The following NF2 variants were observed in gnomAD, a reference collection of about 807,000 sequenced individuals.
NF2 encodes the protein NF2, moesin-ezrin-radixin like (MERLIN) tumor suppressor.
Under a neutral mutation model 83.7 loss-of-function variants are expected in NF2, and 8 were observed. That is an observed-to-expected ratio of 0.10 (90% CI 0.06 to 0.17). The LOEUF is 0.17. NF2 is among the 10% of genes least tolerant of loss of function. The pLI is 1.00. For missense variants in NF2, 533 were observed against 744.4 expected (o/e 0.72, Z 3.31); for synonymous variants, 266 against 269.6 (o/e 0.99, Z 0.13).
intron 13 of NF2, among the ~76,000 whole-genome samples, chr22:29,675,300 T>C (rs1257369619): frequency 2.0e-5 from 3 of 152,178 alleles, no homozygotes; most frequent in Non-Finnish European, 2.9e-5. Flanking sequence ...GTATATACCA[T>C]ATATCATAAT....
intron 6 of NF2, 126 bp downstream of exon 6, chr22:29,655,802 A>C (rs986201972): frequency 3.2e-5 from 25 of 780,270 alleles, no homozygotes; most frequent in Non-Finnish European, 4.7e-5. Context: ...ATAAAAGAAA[A>C]GGGGAGAGCT....
At chr22:29,628,787 C>G (rs550744550) in intron 1 of NF2, among the ~76,000 whole-genome samples, 2 of 151,970 alleles carry the variant, frequency 1.3e-5, no homozygotes, top group African/African-American at 2.4e-5. Flanking sequence ...TGCGCCACCA[C>G]GCCCAACTAG....
In NF2 at chr22:29,669,820, A is replaced by G. The variant is rs892736613; in HGVS notation, c.999+1374A>G. ...AGTAAGTCAATGACTTACCTTCCAG[A>G]CCTTAGTTTTCTCATCCATCAGGTG... On this transcript the variant is annotated intron_variant, in intron 10 of 15. Transcript: ENST00000338641. 2.6e-5 allele frequency among the ~76,000 whole-genome samples: 4 copies of G among 152,292 alleles called. No homozygotes were observed. The East Asian group carries it at 5.8e-4, about 22-fold the overall frequency.
chr22:29,635,911 A>G (rs1208793798), intron 1 of NF2, among the ~76,000 whole-genome samples: 3 of 152,192 alleles, frequency 2.0e-5, no homozygotes, highest in African/African-American at 7.2e-5. Flanking sequence ...GTATGGGAAC[A>G]TCCTGGTGGT....
intron 2 of NF2, among the ~76,000 whole-genome samples, chr22:29,638,792 T>C (rs1006178248): frequency 2.0e-5 from 3 of 152,256 alleles, no homozygotes; most frequent in Non-Finnish European, 4.4e-5. Flanking sequence ...TGCTGAGTGA[T>C]ACATTTCTAG....
At chr22:29,672,361 G>T (rs1267248391) in intron 11 of NF2, among the ~76,000 whole-genome samples, 1 of 150,126 alleles carries the variant, frequency 6.7e-6, no homozygotes, top group East Asian at 1.9e-4. Context: ...GCCTAGGCTG[G>T]AGTGTACAGT....
rs768930578 is a variant in NF2, at chr22:29,694,830, C to G, written c.*28C>G. 8.7e-6 allele frequency: 14 copies of G among 1,610,230 alleles called. No homozygotes were observed. The highest frequency in any genetic ancestry group is 1.2e-5 in the Non-Finnish European group (14 of 1,178,000). ...GGTGACCCAGCCACCCCAGGACCTG[C>G]CACTTCTCCTGCTACCGGGACCGCG... On this transcript the variant is annotated 3_prime_UTR_variant, in exon 16 of 16. Transcript: ENST00000338641. The surrounding 1 kb of genome is among the most constrained non-coding windows in gnomAD (Gnocchi z 4.1).
intron 15 of NF2, among the ~76,000 whole-genome samples, chr22:29,688,520 G>T (rs552365472): frequency 6.6e-6 from 1 of 152,224 alleles, no homozygotes; most frequent in Non-Finnish European, 1.5e-5. Context: ...GTAGATAGCC[G>T]CCACCTGCCC....
Position 29,651,862 on chromosome 22 carries a change from G to A in NF2, c.448-2795G>A, listed in dbSNP as rs1318674013. On this transcript the variant is annotated intron_variant, in intron 4 of 15. Coordinates refer to ENST00000338641, the MANE Select transcript of NF2 (RefSeq NM_000268.4). ...CATATCTGCTTGCTTTTGCATTAGAGCTTGGTCAGCACTGTTGAGAGATTT... is the reference window on the plus strand; with the variant it reads ...CATATCTGCTTGCTTTTGCATTAGAACTTGGTCAGCACTGTTGAGAGATTT... Among the ~76,000 whole-genome samples the A allele has an allele frequency of 5.3e-5, 8 of 152,194 alleles. No individual in the cohort carries two copies. The South Asian group carries it at 1.0e-3, about 20-fold the overall frequency.
At chr22:29,644,503 A>G (rs2065923154) in intron 4 of NF2, among the ~76,000 whole-genome samples, 1 of 151,654 alleles carries the variant, frequency 6.6e-6, no homozygotes, top group Admixed American at 6.6e-5. Context: ...GACGCTCCTC[A>G]CTTCCCAGAC....
chr22:29,673,512 G>A, intron 12 of NF2, 26 bp downstream of exon 12: 1 of 1,592,644 alleles, frequency 6.3e-7, no homozygotes, highest in Non-Finnish European at 8.5e-7. Flanking sequence ...GCACCAGACT[G>A]GCGAGGAGGC....
rs936496077 is a variant in NF2 at position 29,695,820 on chromosome 22, C to T, written c.*1018C>T. 1.4e-4 allele frequency: 33 copies of T among 233,816 alleles called. 1 individual carries two copies. The highest frequency in any genetic ancestry group is 7.0e-4 in the African/African-American group (32 of 45,470). The allele number at this position is 233,816 out of a possible 1,614,324, so 14.5% of individuals were successfully genotyped here. On this transcript the variant is annotated 3_prime_UTR_variant, in exon 16 of 16. Coordinates refer to ENST00000338641, the MANE Select transcript of NF2 (RefSeq NM_000268.4). The surrounding 1 kb of genome is among the most constrained non-coding windows in gnomAD (Gnocchi z 5.4). The stretch of plus-strand genomic sequence containing the variant: ...CCAGTGGCCACAGCCCACTTCCCAA[C>T]CCACTGTTGTACCCAGGCCTCACTT...
intron 1 of NF2, among the ~76,000 whole-genome samples, chr22:29,622,889 T>G (rs2065251588): frequency 6.6e-6 from 1 of 151,278 alleles, no homozygotes; most frequent in Non-Finnish European, 1.5e-5. Flanking sequence ...CTCCTGACCT[T>G]GTGATCAGCC....
At chr22:29,663,157 T>C (rs1198363605) in intron 8 of NF2, among the ~76,000 whole-genome samples, 2 of 152,188 alleles carry the variant, frequency 1.3e-5, no homozygotes, top group African/African-American at 2.4e-5. Flanking sequence ...AGTACTTAAA[T>C]TGAAAGTTCC....
chr22:29,677,144 C>G (rs958089491), intron 13 of NF2, among the ~76,000 whole-genome samples: 1 of 152,102 alleles, frequency 6.6e-6, no homozygotes, highest in South Asian at 2.1e-4. Flanking sequence ...AGGAAACTTG[C>G]AAATAGTAGA....
At chr22:29,616,635 G>A (rs1004367542) in intron 1 of NF2, among the ~76,000 whole-genome samples, 2 of 152,018 alleles carry the variant, frequency 1.3e-5, no homozygotes, top group South Asian at 2.1e-4. Flanking sequence ...CCAGCTACTC[G>A]GGAGGCTGAG....
At chr22:29,671,758 T>G in intron 10 of NF2, 68 bp from the exon 11 acceptor site, 1 of 1,609,988 alleles carries the variant, frequency 6.2e-7, no homozygotes, top group South Asian at 1.1e-5. Flanking sequence ...GGGGCATCTT[T>G]GGGCCCTTGT....
chr22:29,622,096 T>C (rs1042363048), intron 1 of NF2, among the ~76,000 whole-genome samples: 3 of 152,196 alleles, frequency 2.0e-5, no homozygotes, highest in Admixed American at 2.0e-4. Flanking sequence ...ACTTAGGTAT[T>C]TGGTAAACAG....
chr22:29,681,694 T>A, intron 15 of NF2, 93 bp downstream of exon 15: 1 of 1,479,564 alleles, frequency 6.8e-7, no homozygotes, highest in Non-Finnish European at 9.4e-7. Flanking sequence ...GCCAAGTCAC[T>A]AGACTATTGG....
Sources: allele counts gnomAD v4.1 joint callset (sites outside exome capture counted in the v4.1 genomes callset), GRCh38; gene constraint gnomAD v4.1.1; non-coding constraint Gnocchi (gnomAD v3.1); transcripts MANE v1.5; gene names NCBI Gene and HGNC (gene_info 2026-07-23, HGNC 2026-07-21).